Variants in WDR7 observed in about 807,000 individuals in gnomAD.
The protein encoded by WDR7 is WD repeat domain 7, also known as WD repeat-containing protein 7.
In WDR7, 46 loss-of-function variants were observed where a neutral mutation model predicts 169.4. The observed-to-expected ratio is 0.27, with a 90% CI of 0.21 to 0.35. The LOEUF is 0.35. Among genes scored for constraint, WDR7 ranks in the 10% least tolerant of loss-of-function variants. WDR7 has a pLI of 1.00. For missense variants in WDR7, 1,534 were observed against 1,859.3 expected (o/e 0.83, Z 3.22); for synonymous variants, 612 against 666.8 (o/e 0.92, Z 1.27).
intron 19 of WDR7, among the ~76,000 whole-genome samples, chr18:56,809,022 C>A (rs1324610035): frequency 6.6e-6 from 1 of 152,066 alleles, no homozygotes; most frequent in Non-Finnish European, 1.5e-5. Context: ...TCCCACTTCC[C>A]TTTTACTGTT....
chr18:56,761,995 G>GT (rs2043987388), intron 16 of WDR7, among the ~76,000 whole-genome samples: 4 of 151,938 alleles, frequency 2.6e-5, no homozygotes, highest in Admixed American at 2.6e-4. Flanking sequence ...ATATGCTTTT[G>GT]TAGATGTTAA....
chr18:56,691,892 G>A, intron 9 of WDR7, 75 bp downstream of exon 9: 1 of 1,193,142 alleles, frequency 8.4e-7, no homozygotes, highest in South Asian at 1.5e-5. Flanking sequence ...ATTGTCTTGT[G>A]ATAGGTTTAA....
Position 57,022,775 on chromosome 18 carries a change from C to T in WDR7, c.4269+1926C>T, listed in dbSNP as rs578223741. Among the ~76,000 whole-genome samples, 6 of 152,316 alleles carry T rather than the reference C, an allele frequency of 3.9e-5. No homozygotes were observed. The East Asian group carries it at 5.8e-4, about 15-fold the overall frequency. On this transcript the variant is annotated intron_variant, in intron 27 of 27. Coordinates refer to ENST00000254442, the MANE Select transcript of WDR7 (RefSeq NM_015285.3). ...ATCCTTTTCACTTAGAGACCAAGCTCGTTTATTAGATGGCTTCCTTTTCAG... is the reference window on the plus strand; with the variant it reads ...ATCCTTTTCACTTAGAGACCAAGCTTGTTTATTAGATGGCTTCCTTTTCAG...
chr18:56,750,636 T>A (rs2043776911), intron 14 of WDR7, among the ~76,000 whole-genome samples: 1 of 152,234 alleles, frequency 6.6e-6, no homozygotes, highest in Admixed American at 6.5e-5. Flanking sequence ...TGCTAGAGAA[T>A]TTTCTGGATC....
chr18:56,689,658 A>AC lies in WDR7; in HGVS notation c.718-1551dup, dbSNP rs531118782. ...CCAATTTTATTTTTATGTCAGATGG[A>AC]CCCCCCCAGTTCCTGATGCCATTTG... On this transcript the variant is annotated intron_variant, in intron 7 of 27. Transcript: ENST00000254442. Among the ~76,000 whole-genome samples, 38 of 150,976 alleles carry AC rather than the reference A, an allele frequency of 2.5e-4. 1 individual carries two copies. Among genetic ancestry groups the AC allele is most frequent in the Admixed American group, 1.9e-3 (29 of 15,126 alleles).
At chr18:56,854,903 A>G (rs889371244) in intron 20 of WDR7, among the ~76,000 whole-genome samples, 2 of 152,148 alleles carry the variant, frequency 1.3e-5, no homozygotes, top group South Asian at 2.1e-4. Flanking sequence ...CCAACATAAT[A>G]ACAAAAGACA....
chr18:56,867,731 T>A (rs919244006), intron 20 of WDR7, among the ~76,000 whole-genome samples: 1 of 152,194 alleles, frequency 6.6e-6, no homozygotes, highest in Non-Finnish European at 1.5e-5. Flanking sequence ...AATCCATAGT[T>A]GTAATACATG....
At chr18:57,033,773 A>G (rs1174869260), downstream of WDR7, 1 of 152,060 alleles carries the variant, frequency 6.6e-6, no homozygotes, top group African/African-American at 2.4e-5. Flanking sequence ...TCCCAGCCAA[A>G]GAGAACTGTC....
intron 26 of WDR7, among the ~76,000 whole-genome samples, chr18:56,984,509 A>C (rs1241364956): frequency 6.6e-6 from 1 of 152,238 alleles, no homozygotes; most frequent in Non-Finnish European, 1.5e-5. Flanking sequence ...GAGCACTAGC[A>C]ATACTAGACA....
intron 25 of WDR7, among the ~76,000 whole-genome samples, chr18:56,949,637 C>G (rs189491159): frequency 6.6e-6 from 1 of 152,302 alleles, no homozygotes; most frequent in Non-Finnish European, 1.5e-5. Context: ...TACACCAAAA[C>G]TCAACATGTG....
chr18:56,958,915 A>G (rs2047295337), intron 25 of WDR7, among the ~76,000 whole-genome samples: 1 of 152,184 alleles, frequency 6.6e-6, no homozygotes, highest in African/African-American at 2.4e-5. Context: ...TGCTTGGACC[A>G]TATTTATGTA....
rs978281762 is a variant in WDR7 at position 57,029,327 on chromosome 18, G to A, written c.*2120G>A. 1.3e-5 allele frequency: 2 copies of A among 152,222 alleles called. No homozygotes were observed. The highest frequency in any genetic ancestry group is 4.8e-5 in the African/African-American group (2 of 41,454). The allele number at this position is 152,222 out of a possible 1,614,324, so 9.4% of individuals were successfully genotyped here. On this transcript the variant is annotated 3_prime_UTR_variant, in exon 28 of 28. Coordinates refer to ENST00000254442, the MANE Select transcript of WDR7 (RefSeq NM_015285.3). ...TCTGCACAGGCAACCAAGGCCAGTA[G>A]AAAGCTATGGCTGCAAAACCCTGGG... is the stretch of plus-strand genomic sequence containing the variant.
intron 19 of WDR7, among the ~76,000 whole-genome samples, chr18:56,794,594 C>G (rs2145131350): frequency 6.6e-6 from 1 of 152,058 alleles, no homozygotes; most frequent in African/African-American, 2.4e-5. Context: ...CAGGCGTGAG[C>G]CACCGTGCCC....
intron 16 of WDR7, among the ~76,000 whole-genome samples, chr18:56,773,998 G>A (rs1303715030): frequency 6.7e-6 from 1 of 149,226 alleles, no homozygotes; most frequent in African/African-American, 2.5e-5. Flanking sequence ...TCTTTTTTTA[G>A]TATTAAGCTT....
At chr18:56,917,923 A>G (rs1415877599) in intron 21 of WDR7, among the ~76,000 whole-genome samples, 1 of 152,248 alleles carries the variant, frequency 6.6e-6, no homozygotes, top group Admixed American at 6.5e-5. Context: ...AATTAATAGC[A>G]TTAAAATATG....
At chr18:57,013,036 A>G (rs887628040) in intron 26 of WDR7, among the ~76,000 whole-genome samples, 3 of 152,126 alleles carry the variant, frequency 2.0e-5, no homozygotes, top group African/African-American at 7.2e-5. Flanking sequence ...ACAGTCCCCA[A>G]CCTTTTTGGC....
rs145433259 is a variant in WDR7, at chr18:56,833,588, G to A, written c.3304+17444G>A. Among the ~76,000 whole-genome samples the A allele has an allele frequency of 2.3e-3, 351 of 152,244 alleles. 2 individuals carry two copies. Among genetic ancestry groups the A allele is most frequent in the Non-Finnish European group, 3.9e-3 (266 of 68,002 alleles). ...TAAAATGAATGTCTGCGTTACAAAC[G>A]TCAGTTAAATTGTTGTATAAGTGGG... On this transcript the variant is annotated intron_variant, in intron 20 of 27. Transcript: ENST00000254442.
chr18:57,007,322 T>C (rs2048075890), intron 26 of WDR7, among the ~76,000 whole-genome samples: 1 of 152,116 alleles, frequency 6.6e-6, no homozygotes, highest in Non-Finnish European at 1.5e-5. Context: ...TAATTATACT[T>C]GGAGAAAAAA....
intron 19 of WDR7, among the ~76,000 whole-genome samples, chr18:56,782,931 C>A (rs2044341645): frequency 6.6e-6 from 1 of 152,026 alleles, no homozygotes; most frequent in Admixed American, 6.6e-5. Flanking sequence ...ATGAGTTAAT[C>A]TTTGTTAAGT....
Sources: gnomAD v4.1 joint callset for allele counts (sites outside exome capture counted in the v4.1 genomes callset) on GRCh38, gnomAD v4.1.1 for gene constraint, MANE v1.5 for transcripts, NCBI Gene and HGNC (gene_info 2026-07-23, HGNC 2026-07-21) for gene names.